Variants in DOCK5 observed in about 807,000 individuals in gnomAD.
DOCK5 encodes dedicator of cytokinesis 5.
Under a neutral mutation model 251.8 loss-of-function variants are expected in DOCK5, and 142 were observed. The observed-to-expected ratio is 0.56, with a 90% CI of 0.49 to 0.65. DOCK5 has a LOEUF of 0.65. Ranked by LOEUF, DOCK5 falls within the 30% of genes least tolerant of loss-of-function variation. The pLI, the probability that DOCK5 is intolerant of heterozygous loss-of-function variation, is 0.00. For missense variants in DOCK5, 2,111 were observed against 2,312.3 expected, an observed-to-expected ratio of 0.91 and a Z score of 1.79; for synonymous variants, 842 against 835.5, an observed-to-expected ratio of 1.01 and a Z score of -0.13.
rs1563309191 is a variant in DOCK5 at position 25,210,045 on chromosome 8, T to TATAAAAAA, written c.43+25094_43+25095insATAAAAAA. Reference sequence around the variant, plus strand: ...ATATATATATATATAAATGTGTGTGTGTGTGTGTGTGTGTGTGTGTGTGTA... The same window carrying TATAAAAAA: ...ATATATATATATATAAATGTGTGTGTATAAAAAAGTGTGTGTGTGTGTGTGTGTGTGTA... On this transcript the variant is annotated intron_variant, in intron 1 of 51. Transcript: ENST00000276440. Among the ~76,000 whole-genome samples, 5 of 20,650 alleles carry TATAAAAAA rather than the reference T, an allele frequency of 2.4e-4. 1 individual carries two copies. The highest frequency in any genetic ancestry group is 1.1e-3 in the African/African-American group (5 of 4,348). 13.5% of individuals were successfully genotyped at this position (20,650 alleles called of 152,430 possible).
intron 5 of DOCK5, among the ~76,000 whole-genome samples, chr8:25,279,649 G>A (rs1403054291): frequency 2.6e-5 from 4 of 151,734 alleles, no homozygotes; most frequent in Non-Finnish European, 5.9e-5. Flanking sequence ...ATGGAGTCTC[G>A]CTCTGTCACT....
intron 1 of DOCK5, among the ~76,000 whole-genome samples, chr8:25,190,978 G>T (rs1659283056): frequency 6.6e-6 from 1 of 151,942 alleles, no homozygotes; most frequent in Middle Eastern, 3.4e-3. Flanking sequence ...TAGAGACAGG[G>T]TTTCACCGTG....
rs369645422 is a variant in DOCK5 at position 25,210,032 on chromosome 8, AT to A, written c.43+25082del. 5.0e-3 allele frequency among the ~76,000 whole-genome samples: 106 copies of A among 21,394 alleles called. 24 individuals are homozygous for A. The highest frequency in any genetic ancestry group is 9.9e-3 in the African/African-American group (89 of 8,950). 14.0% of individuals were successfully genotyped at this position (21,394 alleles called of 152,430 possible). A position where few individuals can be genotyped will look rare whatever the true frequency, so the allele number is the denominator to read the frequency against. The stretch of plus-strand genomic sequence containing the variant: ...ATTATATATATATATATATATATAT[AT>A]AAATGTGTGTGTGTGTGTGTGTGTG... On this transcript the variant is annotated intron_variant, in intron 1 of 51. Coordinates refer to ENST00000276440, the MANE Select transcript of DOCK5 (RefSeq NM_024940.8).
intron 26 of DOCK5, chr8:25,351,397 A>G (rs1047641581): frequency 3.6e-5 from 10 of 280,148 alleles, no homozygotes; most frequent in African/African-American, 2.2e-4. Flanking sequence ...TCAGAACAGA[A>G]TACGTCATGC....
chr8:25,373,539 A>G (rs1052777801), intron 35 of DOCK5, 79 bp from the exon 36 acceptor site: 4 of 1,359,422 alleles, frequency 2.9e-6, no homozygotes, highest in African/African-American at 1.5e-5. Context: ...TTGAAAAGCA[A>G]CAATAGTGGT....
intron 5 of DOCK5, 149 bp downstream of exon 5, chr8:25,278,814 C>T: frequency 5.5e-6 from 4 of 727,376 alleles, no homozygotes; most frequent in Non-Finnish European, 9.2e-6. Context: ...GCAGCAGATT[C>T]TCATTTCCCC....
intron 40 of DOCK5, among the ~76,000 whole-genome samples, chr8:25,385,609 A>G (rs373666328): frequency 4.6e-5 from 7 of 152,328 alleles, no homozygotes; most frequent in African/African-American, 1.4e-4. Context: ...AACTCCTACC[A>G]TATACTTGGC....
At chr8:25,277,603 G>A (rs1461787155) in intron 4 of DOCK5, 1 of 152,142 alleles carries the variant, frequency 6.6e-6, no homozygotes, top group Non-Finnish European at 1.5e-5. Context: ...CAAAAACCAG[G>A]TCTCCTGCCC....
chr8:25,392,260 C>T (rs1801273232), intron 43 of DOCK5, among the ~76,000 whole-genome samples: 1 of 149,734 alleles, frequency 6.7e-6, no homozygotes, highest in African/African-American at 2.5e-5. Context: ...GCTGAGGTCG[C>T]ACCACTGCAC....
chr8:25,270,836 A>G, intron 3 of DOCK5: 1 of 711,272 alleles, frequency 1.4e-6, no homozygotes, highest in Non-Finnish European at 2.6e-6. Context: ...ATGGATGCTC[A>G]AGTCTCTGAT....
At chr8:25,295,109 T>C (rs1804585032) in intron 6 of DOCK5, among the ~76,000 whole-genome samples, 1 of 152,138 alleles carries the variant, frequency 6.6e-6, no homozygotes. Context: ...ATGCTACATA[T>C]AGTATTAGGT....
rs1487733487 is a variant in DOCK5 at position 25,390,222 on chromosome 8, T to C, written c.4290T>C (p.Thr1430=). 6.3e-7 allele frequency: 1 copy of C among 1,592,388 alleles called. No homozygotes were observed. The highest frequency in any genetic ancestry group is 8.6e-7 in the Non-Finnish European group (1 of 1,169,016). ...GCTCTTCAGACATGCAGTGCTTCAC[T>C]GTAAAGCCAGTGATGAGCTTGCCGC... The part of the protein sequence containing the change: ...SSPKQYMQCF[T]VKPVMSLPPS... The change falls in exon 42 of 52, where the codon ACT becomes ACC. Residue 1430 remains threonine (T), a synonymous_variant. Coordinates refer to ENST00000276440, the MANE Select transcript of DOCK5 (RefSeq NM_024940.8).
At chr8:25,353,406 T>C (rs1800506710) in intron 27 of DOCK5, among the ~76,000 whole-genome samples, 1 of 152,186 alleles carries the variant, frequency 6.6e-6, no homozygotes. Context: ...TAAAAGGATT[T>C]AGATCTTGTA....
chr8:25,210,014 A>ATATATATG (rs1237803623), intron 1 of DOCK5, among the ~76,000 whole-genome samples: 4 of 25,224 alleles, frequency 1.6e-4, no homozygotes, highest in African/African-American at 3.9e-4. Context: ...CTAATTATAT[A>ATATATATG]TATATATATA....
chr8:25,405,368 A>T (rs969457041), intron 48 of DOCK5, among the ~76,000 whole-genome samples: 1 of 151,838 alleles, frequency 6.6e-6, no homozygotes, highest in Non-Finnish European at 1.5e-5. Flanking sequence ...TGGAGCCAAC[A>T]TTTTTATTTC....
chr8:25,233,979 G>A (rs985292099), intron 1 of DOCK5, among the ~76,000 whole-genome samples: 1 of 152,194 alleles, frequency 6.6e-6, no homozygotes, highest in African/African-American at 2.4e-5. Context: ...TACCCAGGAA[G>A]TTGAGATTCA....
intron 3 of DOCK5, among the ~76,000 whole-genome samples, chr8:25,274,669 A>G (rs1286439750): frequency 6.6e-6 from 1 of 152,188 alleles, no homozygotes; most frequent in East Asian, 1.9e-4. Context: ...GAAAATAACC[A>G]GGTAACTAAC....
At chr8:25,233,374 T>C (rs946301482) in intron 1 of DOCK5, among the ~76,000 whole-genome samples, 14 of 152,224 alleles carry the variant, frequency 9.2e-5, no homozygotes, top group Admixed American at 8.5e-4. Context: ...AATTGATATA[T>C]GTATTTTTTA....
Position 25,317,098 on chromosome 8 carries a change from G to A in DOCK5, c.1410G>A (p.Met470Ile), listed in dbSNP as rs774406909. The A allele has an allele frequency of 3.1e-6, 5 of 1,613,954 alleles. No individual in the cohort carries two copies. Among genetic ancestry groups the A allele is most frequent in the Non-Finnish European group, 4.2e-6 (5 of 1,179,858 alleles). Reference sequence around the variant, plus strand: ...CGCCAAAGAATGTGGAGGTGACGATGTCTGTGCACGATGAGGAGGGCAAGC... The same window carrying A: ...CGCCAAAGAATGTGGAGGTGACGATATCTGTGCACGATGAGGAGGGCAAGC... ...KKTPKNVEVT[M>I]SVHDEEGKLL... The change falls in exon 14 of 52, where the codon ATG becomes ATA. Residue 470 changes from methionine (M) to isoleucine (I), a missense_variant. Met to Ile is a conservative substitution (Grantham distance 10). This residue lies in a region of DOCK5 where 1,717 missense variants were observed against 1,892.4 expected (regional missense o/e 0.91). Transcript: ENST00000276440.
Sources: allele counts gnomAD v4.1 joint callset (sites outside exome capture counted in the v4.1 genomes callset), GRCh38; gene constraint gnomAD v4.1.1; regional missense constraint gnomAD v4.1.1; transcripts MANE v1.5; gene names NCBI Gene and HGNC (gene_info 2026-07-23, HGNC 2026-07-21).